The following SORBS2 variants were observed in gnomAD, a reference collection of about 807,000 sequenced individuals.
The protein encoded by SORBS2 is sorbin and SH3 domain containing 2, also known as sorbin and SH3 domain-containing protein 2.
Under a neutral mutation model 97.7 loss-of-function variants are expected in SORBS2, and 46 were observed. The ratio of observed to expected loss-of-function variants is 0.47; its 90% CI spans 0.37 to 0.60. The LOEUF is 0.60. Among genes scored for constraint, SORBS2 ranks in the 20% least tolerant of loss-of-function variants. The pLI is 0.00. For synonymous variants in SORBS2, 476 were observed against 473.4 expected (o/e 1.01, Z -0.07); for missense variants, 1,316 against 1,282.3 (o/e 1.03, Z -0.40).
At chr4:185,793,859 T>C (rs905383840) in intron 1 of SORBS2, among the ~76,000 whole-genome samples, 4 of 152,214 alleles carry the variant, frequency 2.6e-5, no homozygotes, top group African/African-American at 7.2e-5. Flanking sequence ...AGACCAAGCC[T>C]GTGGTTGAAA....
At chr4:185,658,883 T>A (rs187269733), upstream of SORBS2, among the ~76,000 whole-genome samples, 97 of 152,160 alleles carry the variant, frequency 6.4e-4, no homozygotes, top group Admixed American at 1.3e-3. Flanking sequence ...ATTTTTTGTA[T>A]TTTTAGTAGA....
intron 12 of SORBS2, among the ~76,000 whole-genome samples, chr4:185,611,089 A>T (rs2096530829): frequency 6.6e-6 from 1 of 152,174 alleles, no homozygotes; most frequent in South Asian, 2.1e-4. Context: ...CGCTCAAGTG[A>T]AACAGTAGAA....
chr4:185,868,147 C>CTTTCTTTCTT (rs1288748201), intron 1 of SORBS2, among the ~76,000 whole-genome samples: 1,997 of 89,194 alleles, frequency 0.022, 179 homozygotes, highest in South Asian at 0.054. Flanking sequence ...CTTTTCTTTT[C>CTTTCTTTCTT]TTTTTTTCTT....
intron 1 of SORBS2, among the ~76,000 whole-genome samples, chr4:185,907,248 G>A (rs1464298900): frequency 6.6e-6 from 1 of 152,054 alleles, no homozygotes; most frequent in Admixed American, 6.6e-5. Context: ...GAGGATGTTC[G>A]GCCAAATTTC....
intron 2 of SORBS2, among the ~76,000 whole-genome samples, chr4:185,679,435 A>C (rs978119071): frequency 6.6e-6 from 1 of 152,240 alleles, no homozygotes; most frequent in African/African-American, 2.4e-5. Context: ...AAGCTGTGGA[A>C]AATAAATTTC....
intron 4 of SORBS2, among the ~76,000 whole-genome samples, chr4:185,638,611 G>C (rs1033336694): frequency 6.6e-6 from 1 of 151,510 alleles, no homozygotes; most frequent in Admixed American, 6.6e-5. Flanking sequence ...ATGGGAGCCC[G>C]CAGTCTGCAG....
intron 2 of SORBS2, among the ~76,000 whole-genome samples, chr4:185,691,245 C>T (rs2098087957): frequency 6.6e-6 from 1 of 152,012 alleles, no homozygotes; most frequent in Non-Finnish European, 1.5e-5. Context: ...GTTACCCAGG[C>T]TGGAGTGCAG....
At chr4:185,616,219 C>T (rs75639437) in intron 9 of SORBS2, among the ~76,000 whole-genome samples, 26,491 of 151,840 alleles carry the variant, frequency 0.17, 2,475 homozygotes, top group African/African-American at 0.23. Context: ...TAGTATAGGC[C>T]GTTTGATGGA....
chr4:185,688,859 A>T (rs2098034212), intron 2 of SORBS2, among the ~76,000 whole-genome samples: 1 of 151,980 alleles, frequency 6.6e-6, no homozygotes, highest in Non-Finnish European at 1.5e-5. Context: ...AATTTTATGC[A>T]TATGTTTGAA....
intron 1 of SORBS2, among the ~76,000 whole-genome samples, chr4:185,803,829 A>G (rs2099141673): frequency 6.6e-6 from 1 of 152,218 alleles, no homozygotes; most frequent in Non-Finnish European, 1.5e-5. Flanking sequence ...AGAATTCAGG[A>G]TATATTATCA....
chr4:185,789,228 T>C (rs529963329), intron 1 of SORBS2, among the ~76,000 whole-genome samples: 21 of 152,310 alleles, frequency 1.4e-4, no homozygotes, highest in African/African-American at 4.8e-4. Context: ...TGTTAAAGCT[T>C]ATTTTTGTGT....
At chr4:185,742,911 C>A (rs1249923825) in intron 2 of SORBS2, among the ~76,000 whole-genome samples, 1 of 152,152 alleles carries the variant, frequency 6.6e-6, no homozygotes, top group East Asian at 1.9e-4. Flanking sequence ...ATCTGACACA[C>A]TCCACAGCTG....
At chr4:185,596,244 T>A (rs2096084566) in intron 12 of SORBS2, among the ~76,000 whole-genome samples, 1 of 152,214 alleles carries the variant, frequency 6.6e-6, no homozygotes, top group Admixed American at 6.5e-5. Flanking sequence ...GTTAGTTTCA[T>A]TTCATTGCTC....
exon 6 of SORBS2, chr4:185,626,878 T>A: frequency 6.2e-7 from 1 of 1,614,246 alleles, no homozygotes; most frequent in Non-Finnish European, 8.5e-7. Context: ...TGAAAGACTT[T>A]GTAAGAGTGG....
At chr4:185,888,157 T>C (rs2149794944) in intron 1 of SORBS2, among the ~76,000 whole-genome samples, 1 of 152,206 alleles carries the variant, frequency 6.6e-6, no homozygotes, top group South Asian at 2.1e-4. Flanking sequence ...TCATACTCTG[T>C]AAAATGCTCG....
chr4:185,820,182 A>G (rs1006045549), intron 1 of SORBS2, among the ~76,000 whole-genome samples: 1 of 152,180 alleles, frequency 6.6e-6, no homozygotes, highest in Non-Finnish European at 1.5e-5. Flanking sequence ...TGTGTTCATC[A>G]AAAGAATGGT....
At chr4:185,755,141 G>A (rs542923889) in intron 2 of SORBS2, among the ~76,000 whole-genome samples, 20 of 152,386 alleles carry the variant, frequency 1.3e-4, no homozygotes, top group Admixed American at 1.0e-3. Context: ...ATTAGGCTAC[G>A]TCAAGATGAC....
intron 1 of SORBS2, among the ~76,000 whole-genome samples, chr4:185,830,419 T>A (rs2099204506): frequency 6.6e-6 from 1 of 152,206 alleles, no homozygotes; most frequent in Admixed American, 6.5e-5. Context: ...AATCACCCAC[T>A]ATCTGATTTT....
intron 2 of SORBS2, among the ~76,000 whole-genome samples, chr4:185,735,696 TTGTG>T (rs2098680914): frequency 6.6e-6 from 1 of 151,942 alleles, no homozygotes; most frequent in Non-Finnish European, 1.5e-5. Flanking sequence ...GTGTGTACGT[TTGTG>T]TGTGTGTATG....
Sources: gnomAD v4.1 joint callset for allele counts (sites outside exome capture counted in the v4.1 genomes callset) on GRCh38, gnomAD v4.1.1 for gene constraint, MANE v1.5 for transcripts, NCBI Gene and HGNC (gene_info 2026-07-23, HGNC 2026-07-21) for gene names.